MAGI2: variants seen among roughly 807,000 people sequenced by gnomAD.
MAGI2 encodes membrane-associated guanylate kinase, WW and PDZ domain-containing protein 2.
Under a neutral mutation model 133.3 loss-of-function variants are expected in MAGI2, and 35 were observed. The ratio of observed to expected loss-of-function variants is 0.26; its 90% CI spans 0.20 to 0.35. The LOEUF (loss-of-function observed/expected upper bound fraction) is 0.35, where lower values mean the gene tolerates loss of function less well. Among genes scored for constraint, MAGI2 ranks in the 10% least tolerant of loss-of-function variants. MAGI2 has a pLI of 1.00. For missense variants in MAGI2, 1,636 were observed against 1,863.4 expected, an observed-to-expected ratio of 0.88 and a Z score of 2.25; for synonymous variants, 729 against 710.6, an observed-to-expected ratio of 1.03 and a Z score of -0.41.
intron 6 of MAGI2, among the ~76,000 whole-genome samples, chr7:78,395,571 TAGAAATGACCCA>T (rs1796272700): frequency 6.6e-6 from 1 of 152,048 alleles, no homozygotes; most frequent in African/African-American, 2.4e-5. Flanking sequence ...AGGGAGGAGG[TAGAAATGACCCA>T]ACGCAGAAAC....
chr7:78,714,366 G>T (rs1408154988), intron 2 of MAGI2, among the ~76,000 whole-genome samples: 1 of 151,926 alleles, frequency 6.6e-6, no homozygotes, highest in Non-Finnish European at 1.5e-5. Flanking sequence ...TCACAGCAAG[G>T]GCTGTGCTGA....
chr7:78,370,754 A>G (rs1441978072), intron 6 of MAGI2, among the ~76,000 whole-genome samples: 1 of 151,944 alleles, frequency 6.6e-6, no homozygotes, highest in Admixed American at 6.6e-5. Context: ...AATTTTTGCA[A>G]TTTTAGAAAG....
At chr7:78,257,245 T>G (rs1008184451) in intron 9 of MAGI2, among the ~76,000 whole-genome samples, 1 of 152,210 alleles carries the variant, frequency 6.6e-6, no homozygotes, top group African/African-American at 2.4e-5. Context: ...GTTCCTCATT[T>G]GTAAAGTTGT....
At chr7:79,070,183 A>G (rs1346076759) in intron 1 of MAGI2, among the ~76,000 whole-genome samples, 1 of 152,092 alleles carries the variant, frequency 6.6e-6, no homozygotes, top group Non-Finnish European at 1.5e-5. Context: ...TCTCCTGGAT[A>G]ATATCCTGAA....
At chr7:79,307,937 TC>T (rs1484163944) in intron 1 of MAGI2, among the ~76,000 whole-genome samples, 1 of 152,220 alleles carries the variant, frequency 6.6e-6, no homozygotes, top group Admixed American at 6.5e-5. Flanking sequence ...GTTCAGTCTT[TC>T]CTCTTTAACC....
At position 78,168,571 on chromosome 7, in the gene MAGI2, G is replaced by A. The variant is rs142992533; in HGVS notation, c.2404-463C>T. Among the ~76,000 whole-genome samples, 147 of 152,234 alleles carry A rather than the reference G, an allele frequency of 9.7e-4. No homozygotes were observed. The South Asian group carries it at 0.013, about 14-fold the overall frequency. ...AAGGTGAGGATTGAATTCTGGCTCC[G>A]TTTCACAATTTGTGTGGTCTTGGGT... On this transcript the variant is annotated intron_variant, in intron 14 of 21. Coordinates refer to ENST00000354212, the MANE Select transcript of MAGI2 (RefSeq NM_012301.4).
Position 79,441,931 on chromosome 7 carries a change from T to G in MAGI2, c.301+11089A>C, listed in dbSNP as rs564297034. The stretch of plus-strand genomic sequence containing the variant: ...TGAGACATTTAAACCAATAAAAATG[T>G]AAACCATTCTGCAAATGCATTATCC... On this transcript the variant is annotated intron_variant, in intron 1 of 21. Coordinates refer to ENST00000354212, the MANE Select transcript of MAGI2 (RefSeq NM_012301.4). Among the ~76,000 whole-genome samples, 5 of 152,308 alleles carry G rather than the reference T, an allele frequency of 3.3e-5. No individual in the cohort carries two copies. The East Asian group carries it at 7.7e-4, about 24-fold the overall frequency.
intron 2 of MAGI2, among the ~76,000 whole-genome samples, chr7:78,651,677 A>C (rs1811589971): frequency 6.6e-6 from 1 of 152,198 alleles, no homozygotes. Context: ...GAACTTAATT[A>C]GAATAAAATG....
At chr7:78,954,212 G>T (rs947422161) in intron 2 of MAGI2, among the ~76,000 whole-genome samples, 1 of 152,084 alleles carries the variant, frequency 6.6e-6, no homozygotes, top group African/African-American at 2.4e-5. Context: ...GGAGAGCACT[G>T]CCAAATGTCT....
intron 1 of MAGI2, among the ~76,000 whole-genome samples, chr7:79,395,436 G>A (rs184465683): frequency 3.9e-5 from 6 of 152,150 alleles, no homozygotes; most frequent in African/African-American, 1.4e-4. Context: ...ACATGGGAAA[G>A]TATCATCATC....
chr7:79,357,821 T>C (rs1311614844), intron 1 of MAGI2, among the ~76,000 whole-genome samples: 1 of 152,200 alleles, frequency 6.6e-6, no homozygotes, highest in South Asian at 2.1e-4. Flanking sequence ...TTGAATTTTA[T>C]TTTTTAACTA....
rs190449014 is a variant in MAGI2, at chr7:78,559,676, T to C, written c.539-38031A>G. Among the ~76,000 whole-genome samples, 30 of 152,318 alleles carry C rather than the reference T, an allele frequency of 2.0e-4. No homozygotes were observed. The East Asian group carries it at 5.4e-3, about 27-fold the overall frequency. On this transcript the variant is annotated intron_variant, in intron 3 of 21. Transcript: ENST00000354212. ...GCTGGCTTAAAGTCCTATATTCTCCTCTACACTGAGCTTTTGTTGTGATTC... is the reference window on the plus strand; with the variant it reads ...GCTGGCTTAAAGTCCTATATTCTCCCCTACACTGAGCTTTTGTTGTGATTC...
chr7:78,411,187 C>T (rs1307856586), intron 6 of MAGI2, among the ~76,000 whole-genome samples: 1 of 151,798 alleles, frequency 6.6e-6, no homozygotes, highest in Non-Finnish European at 1.5e-5. Flanking sequence ...ATTTTCAAAG[C>T]CAGTCAAGGG....
chr7:79,000,873 G>A (rs775381908), intron 2 of MAGI2, among the ~76,000 whole-genome samples: 1 of 152,062 alleles, frequency 6.6e-6, no homozygotes, highest in Admixed American at 6.6e-5. Flanking sequence ...ATTCAATCAG[G>A]TCTTCCACAA....
At chr7:78,480,747 G>T (rs1035033910) in intron 6 of MAGI2, among the ~76,000 whole-genome samples, 2 of 151,796 alleles carry the variant, frequency 1.3e-5, no homozygotes, top group Non-Finnish European at 1.5e-5. Context: ...ACCAACACAT[G>T]AAAATCAATC....
At chr7:78,360,870 A>G (rs188955413) in intron 7 of MAGI2, among the ~76,000 whole-genome samples, 1 of 152,288 alleles carries the variant, frequency 6.6e-6, no homozygotes, top group East Asian at 1.9e-4. Flanking sequence ...GATGGAGTAG[A>G]AGGAAGGAGC....
intron 6 of MAGI2, among the ~76,000 whole-genome samples, chr7:78,442,711 T>G (rs1206297627): frequency 1.3e-5 from 2 of 152,198 alleles, no homozygotes; most frequent in African/African-American, 4.8e-5. Flanking sequence ...TTGATACGCT[T>G]TGTGCTATTT....
intron 2 of MAGI2, among the ~76,000 whole-genome samples, chr7:78,823,277 A>C (rs989462352): frequency 6.6e-6 from 1 of 152,138 alleles, no homozygotes; most frequent in Non-Finnish European, 1.5e-5. Context: ...AGTCTAAAAA[A>C]ATCAGTTTGA....
intron 2 of MAGI2, among the ~76,000 whole-genome samples, chr7:78,863,665 CT>C (rs757764720): frequency 6.6e-6 from 1 of 152,162 alleles, no homozygotes; most frequent in Non-Finnish European, 1.5e-5. Flanking sequence ...TGAGAATTGC[CT>C]GATTAAGCTC....
Sources: gnomAD v4.1 joint callset for allele counts (sites outside exome capture counted in the v4.1 genomes callset) on GRCh38, gnomAD v4.1.1 for gene constraint, MANE v1.5 for transcripts, NCBI Gene and HGNC (gene_info 2026-07-23, HGNC 2026-07-21) for gene names.